Variants in RAB11FIP4 observed in about 807,000 individuals in gnomAD.
RAB11FIP4 encodes rab11 family-interacting protein 4.
In RAB11FIP4, 23 loss-of-function variants were observed where a neutral mutation model predicts 74.3. That is an observed-to-expected ratio of 0.31 (90% CI 0.22 to 0.44). The LOEUF (loss-of-function observed/expected upper bound fraction) is 0.44. Among genes scored for constraint, RAB11FIP4 ranks in the 20% least tolerant of loss-of-function variants. The pLI, the probability that RAB11FIP4 is intolerant of heterozygous loss-of-function variation, is 1.00. For missense variants in RAB11FIP4, 630 were observed against 863.9 expected, an observed-to-expected ratio of 0.73 and a Z score of 3.39; for synonymous variants, 360 against 359.9, an observed-to-expected ratio of 1.00 and a Z score of 0.00.
intron 3 of RAB11FIP4, among the ~76,000 whole-genome samples, chr17:31,478,435 G>A (rs1467066837): frequency 6.6e-6 from 1 of 152,172 alleles, no homozygotes; most frequent in Non-Finnish European, 1.5e-5. Flanking sequence ...TCCTGTCCAA[G>A]CCCAGTTGCC....
At chr17:31,406,015 C>G (rs1430430157) in intron 1 of RAB11FIP4, among the ~76,000 whole-genome samples, 1 of 152,134 alleles carries the variant, frequency 6.6e-6, no homozygotes, top group Non-Finnish European at 1.5e-5. Flanking sequence ...TCTGCTCTGC[C>G]CAGCCCAGCT....
chr17:31,409,685 A>T (rs1264911564), intron 1 of RAB11FIP4, among the ~76,000 whole-genome samples: 1 of 152,208 alleles, frequency 6.6e-6, no homozygotes, highest in Admixed American at 6.5e-5. Context: ...GCATGAGGAC[A>T]GATGCTGGGT....
intron 3 of RAB11FIP4, chr17:31,488,170 G>T: frequency 9.3e-7 from 1 of 1,072,340 alleles, no homozygotes; most frequent in South Asian, 4.4e-5. Flanking sequence ...CTTCGGGGCT[G>T]CCCGCCGCGT....
intron 5 of RAB11FIP4, 101 bp downstream of exon 5, chr17:31,521,461 T>G: frequency 9.5e-7 from 1 of 1,054,544 alleles, no homozygotes. Context: ...GCTGGCCCTT[T>G]TCCTTTGTCC....
intron 3 of RAB11FIP4, among the ~76,000 whole-genome samples, chr17:31,471,713 T>C (rs1323698191): frequency 6.6e-6 from 1 of 151,832 alleles, no homozygotes; most frequent in Non-Finnish European, 1.5e-5. Flanking sequence ...GAGCTCTCGG[T>C]GCTAATGTGA....
intron 1 of RAB11FIP4, among the ~76,000 whole-genome samples, chr17:31,395,428 A>G (rs1449284779): frequency 6.6e-6 from 1 of 152,170 alleles, no homozygotes; most frequent in Non-Finnish European, 1.5e-5. Flanking sequence ...TAGTGGAGAA[A>G]CCCAACAAAC....
chr17:31,410,247 G>A (rs564064184), intron 1 of RAB11FIP4, among the ~76,000 whole-genome samples: 1 of 152,110 alleles, frequency 6.6e-6, no homozygotes, highest in African/African-American at 2.4e-5. Context: ...GGGCTCTTGT[G>A]GGGATAGGGA....
chr17:31,483,833 T>C (rs548135950), intron 3 of RAB11FIP4, among the ~76,000 whole-genome samples: 61 of 152,290 alleles, frequency 4.0e-4, no homozygotes, highest in African/African-American at 1.4e-3. Context: ...TCGTTCCACA[T>C]GGCCCCAAAC....
In RAB11FIP4 at chr17:31,391,763, CGGCCCCGGAG is replaced by C; in HGVS notation, c.-86_-77del. On this transcript the variant is annotated 5_prime_UTR_variant, in exon 1 of 15. Coordinates refer to ENST00000621161, the MANE Select transcript of RAB11FIP4 (RefSeq NM_032932.6). The stretch of plus-strand genomic sequence containing the variant: ...GCTGCGCGGCGCAGACCCAGACGGG[CGGCCCCGGAG>C]GGCGCGCGGCGATGGCGGCGGCGGG... 1.1e-6 allele frequency: 1 copy of C among 925,802 alleles called. No homozygotes were observed. Among genetic ancestry groups the C allele is most frequent in the Non-Finnish European group, 1.3e-6 (1 of 777,904 alleles). The allele number at this position is 925,802 out of a possible 1,614,324, so 57.3% of individuals were successfully genotyped here. A position where few individuals can be genotyped will look rare whatever the true frequency, so the allele number is the denominator to read the frequency against.
At chr17:31,484,892 A>T (rs971930859) in intron 3 of RAB11FIP4, among the ~76,000 whole-genome samples, 3 of 152,152 alleles carry the variant, frequency 2.0e-5, no homozygotes, top group Non-Finnish European at 4.4e-5. Flanking sequence ...TATTATCTCC[A>T]ATTTAAAGAT....
intron 1 of RAB11FIP4, among the ~76,000 whole-genome samples, chr17:31,396,807 A>G (rs2070936168): frequency 6.6e-6 from 1 of 152,162 alleles, no homozygotes; most frequent in South Asian, 2.1e-4. Flanking sequence ...CTAGAAAAAT[A>G]GAAATAAGAA....
rs551346794 is a variant in RAB11FIP4, at chr17:31,470,712, A to G, written c.336+36590A>G. Reference sequence around the variant, plus strand: ...AGCCAGTTACTGAGTGGGCCTCTTAACTGTCCTGTGTGGTAGGTACGTTTA... The same window carrying G: ...AGCCAGTTACTGAGTGGGCCTCTTAGCTGTCCTGTGTGGTAGGTACGTTTA... On this transcript the variant is annotated intron_variant, in intron 3 of 14. Coordinates refer to ENST00000621161, the MANE Select transcript of RAB11FIP4 (RefSeq NM_032932.6). 1.2e-4 allele frequency among the ~76,000 whole-genome samples: 19 copies of G among 152,326 alleles called. No individual in the cohort carries two copies. In the South Asian group the frequency reaches 3.5e-3, roughly 28 times the overall value.
chr17:31,517,206 T>TGGGGGGGGCGGGGGGGGGGGCGGG (rs2072572853), intron 3 of RAB11FIP4, among the ~76,000 whole-genome samples: 1 of 20,250 alleles, frequency 4.9e-5, no homozygotes, highest in Non-Finnish European at 1.2e-4. Flanking sequence ...GGGGGGGCGG[T>TGGGGGGGGCGGGGGGGGGGGCGGG]GGGGGGGGCG....
intron 14 of RAB11FIP4, 104 bp downstream of exon 14, chr17:31,530,573 A>G: frequency 7.0e-7 from 1 of 1,430,552 alleles, no homozygotes; most frequent in Non-Finnish European, 9.5e-7. Flanking sequence ...AGGGCCTGGC[A>G]GAGAGTCCCA....
In RAB11FIP4 at chr17:31,523,952, C is replaced by T; in HGVS notation, c.1089C>T (p.Asp363=). ...ELENDSLTNG[D]LKSKLKQENT... Reference sequence around the variant, plus strand: ...AGAATGACAGCCTGACCAATGGGGACCTGAAGAGCAAGCTGAAGCAAGAGA... The same window carrying T: ...AGAATGACAGCCTGACCAATGGGGATCTGAAGAGCAAGCTGAAGCAAGAGA... Residue 363 remains aspartate (D), a synonymous_variant, in exon 9 of 15, where the codon GAC becomes GAT. Transcript: ENST00000621161. 1 of 1,612,526 alleles carries T rather than the reference C, an allele frequency of 6.2e-7. No homozygotes were observed. The highest frequency in any genetic ancestry group is 8.5e-7 in the Non-Finnish European group (1 of 1,179,580).
chr17:31,527,572 C>T, intron 10 of RAB11FIP4: 1 of 366,822 alleles, frequency 2.7e-6, no homozygotes, highest in Non-Finnish European at 4.9e-6. Context: ...CCAGCCTGGG[C>T]AACAGAGCAG....
intron 3 of RAB11FIP4, 47 bp from the exon 4 acceptor site, chr17:31,517,604 C>T: frequency 1.3e-6 from 2 of 1,533,918 alleles, no homozygotes; most frequent in Non-Finnish European, 1.8e-6. Flanking sequence ...ACACTGAGCC[C>T]TGGGAAGCTG....
intron 3 of RAB11FIP4, among the ~76,000 whole-genome samples, chr17:31,454,464 G>A (rs982617700): frequency 9.2e-5 from 14 of 152,040 alleles, no homozygotes; most frequent in African/African-American, 2.9e-4. Context: ...AATAGAGATG[G>A]AGTTTCACCA....
In RAB11FIP4 at chr17:31,520,721, A is replaced by G. The variant is rs535007118; in HGVS notation, c.564-445A>G. Reference sequence around the variant, plus strand: ...TTGGGGTTTCACCATGTTAGCCAGGATGGTCTCGATCTCCTGACCTCTGAT... The same window carrying G: ...TTGGGGTTTCACCATGTTAGCCAGGGTGGTCTCGATCTCCTGACCTCTGAT... On this transcript the variant is annotated intron_variant, in intron 4 of 14. Transcript: ENST00000621161. Among the ~76,000 whole-genome samples the G allele has an allele frequency of 3.1e-3, 471 of 152,170 alleles. 2 individuals are homozygous for G. The highest frequency in any genetic ancestry group is 0.014 in the Middle Eastern group (4 of 294).
Sources: gnomAD v4.1 joint callset for allele counts (sites outside exome capture counted in the v4.1 genomes callset) on GRCh38, gnomAD v4.1.1 for gene constraint, MANE v1.5 for transcripts, NCBI Gene and HGNC (gene_info 2026-07-23, HGNC 2026-07-21) for gene names.